Variants in RFX3 observed in about 807,000 individuals in gnomAD.
The protein encoded by RFX3 is transcription factor RFX3.
In RFX3, 14 loss-of-function variants were observed where a neutral mutation model predicts 98.6. The observed-to-expected ratio is 0.14, with a 90% CI of 0.09 to 0.22. The LOEUF (loss-of-function observed/expected upper bound fraction) is 0.22. RFX3 is among the 10% of genes least tolerant of loss of function. The pLI is 1.00. For synonymous variants in RFX3, 383 were observed against 328.4 expected (o/e 1.17, Z -1.80); for missense variants, 639 against 926.9 (o/e 0.69, Z 4.03).
At chr9:3,508,783 C>T (rs567918136) in intron 1 of RFX3, among the ~76,000 whole-genome samples, 1 of 151,918 alleles carries the variant, frequency 6.6e-6, no homozygotes, top group African/African-American at 2.4e-5. Flanking sequence ...ACAAATGAGG[C>T]TGCAGAGAGC....
At chr9:3,375,803 A>G (rs181987017) in intron 2 of RFX3, among the ~76,000 whole-genome samples, 2 of 152,196 alleles carry the variant, frequency 1.3e-5, no homozygotes, top group African/African-American at 4.8e-5. Context: ...TACTAAAAAT[A>G]TAAAAAATTA....
chr9:3,510,450 T>A (rs1413418859), intron 1 of RFX3, among the ~76,000 whole-genome samples: 1 of 152,034 alleles, frequency 6.6e-6, no homozygotes, highest in East Asian at 1.9e-4. Flanking sequence ...TGGATCAATA[T>A]TATTATTCCC....
intron 1 of RFX3, among the ~76,000 whole-genome samples, chr9:3,448,777 C>G (rs577678241): frequency 3.3e-5 from 5 of 152,178 alleles, no homozygotes; most frequent in Non-Finnish European, 7.4e-5. Context: ...ACCTTGACCT[C>G]CCAAAGCACT....
chr9:3,315,774 G>A (rs1424450254), intron 4 of RFX3, among the ~76,000 whole-genome samples: 3 of 152,112 alleles, frequency 2.0e-5, no homozygotes, highest in African/African-American at 7.2e-5. Context: ...AGAAAATCTA[G>A]AAGAAATGGA....
chr9:3,254,460 A>T (rs1049351658), intron 14 of RFX3, among the ~76,000 whole-genome samples: 2 of 152,150 alleles, frequency 1.3e-5, no homozygotes, highest in Non-Finnish European at 2.9e-5. Flanking sequence ...CATGGAGCAC[A>T]TATACCACTT....
intron 1 of RFX3, chr9:3,490,228 G>A (rs1407320554): frequency 1.7e-6 from 1 of 596,664 alleles, no homozygotes; most frequent in East Asian, 1.5e-4. Flanking sequence ...AAAATACTCT[G>A]TATTATGTAC....
intron 4 of RFX3, among the ~76,000 whole-genome samples, chr9:3,328,550 T>C (rs1432994088): frequency 6.6e-6 from 1 of 151,920 alleles, no homozygotes; most frequent in Non-Finnish European, 1.5e-5. Flanking sequence ...AGACAACAAA[T>C]ACACATAAGA....
chr9:3,225,651 G>C (rs1817679160), intron 16 of RFX3, among the ~76,000 whole-genome samples: 1 of 152,078 alleles, frequency 6.6e-6, no homozygotes, highest in African/African-American at 2.4e-5. Flanking sequence ...GGAATGTACT[G>C]AGCTGAAAAC....
At chr9:3,242,834 C>T (rs515065) in intron 15 of RFX3, among the ~76,000 whole-genome samples, 77,018 of 151,664 alleles carry the variant, frequency 0.51, 21,626 homozygotes, top group East Asian at 0.8. Context: ...TATTGATATT[C>T]GCAATTGAAC....
At chr9:3,235,197 T>C (rs1419453267) in intron 15 of RFX3, among the ~76,000 whole-genome samples, 1 of 152,218 alleles carries the variant, frequency 6.6e-6, no homozygotes, top group African/African-American at 2.4e-5. Context: ...ACGGGACATT[T>C]GCTCCAATTT....
At chr9:3,338,708 G>C (rs1833501575) in intron 3 of RFX3, among the ~76,000 whole-genome samples, 1 of 152,088 alleles carries the variant, frequency 6.6e-6, no homozygotes, top group African/African-American at 2.4e-5. Context: ...TGCTAGCCTG[G>C]GGAATACACT....
rs1013446191 is a variant in RFX3 at position 3,430,794 on chromosome 9, G to GA, written c.-8-35199dup. ...ATTTTTTAGAGATGTGTAACAATTT[G>GA]AAAAAAAAAATCACATAAAGAATGA... On this transcript the variant is annotated intron_variant, in intron 1 of 16. Transcript: ENST00000617270. Among the ~76,000 whole-genome samples, 105 of 146,274 alleles carry GA rather than the reference G, an allele frequency of 7.2e-4. 1 individual carries two copies. In the South Asian group the frequency reaches 8.8e-3, roughly 12 times the overall value.
intron 4 of RFX3, among the ~76,000 whole-genome samples, chr9:3,328,978 T>C (rs1415694842): frequency 1.3e-5 from 2 of 152,220 alleles, no homozygotes; most frequent in Admixed American, 6.5e-5. Flanking sequence ...GCTTTAGCTA[T>C]GTGGTTCTAA....
Position 3,247,646 on chromosome 9 carries a change from A to G in RFX3, c.1968+386T>C, listed in dbSNP as rs556347530. ...ATTTACTTTGTTCTTGGAGACCGGG[A>G]AAGAGTCTACAAAATACATATTTAA... On this transcript the variant is annotated intron_variant, in intron 15 of 16. Transcript: ENST00000617270. The G allele has an allele frequency of 6.5e-6, 9 of 1,389,616 alleles. No homozygotes were observed. In the African/African-American group the frequency reaches 1.2e-4, roughly 18 times the overall value. 86.1% of individuals were successfully genotyped at this position (1,389,616 alleles called of 1,614,324 possible).
chr9:3,511,611 T>G (rs528803259), intron 1 of RFX3, among the ~76,000 whole-genome samples: 1 of 152,146 alleles, frequency 6.6e-6, no homozygotes, highest in East Asian at 1.9e-4. Context: ...AGAAGATAGT[T>G]GGTTCTCTTC....
intron 4 of RFX3, among the ~76,000 whole-genome samples, chr9:3,328,280 T>A (rs1413929130): frequency 6.6e-6 from 1 of 152,216 alleles, no homozygotes; most frequent in Non-Finnish European, 1.5e-5. Context: ...CACCATTTTC[T>A]ATCTCTTTTC....
chr9:3,503,074 G>T (rs1455572759), intron 1 of RFX3, among the ~76,000 whole-genome samples: 2 of 152,074 alleles, frequency 1.3e-5, no homozygotes, highest in Non-Finnish European at 2.9e-5. Flanking sequence ...ACACAACGGT[G>T]GTACAAACAA....
chr9:3,275,654 G>T, intron 8 of RFX3, 42 bp from the exon 9 acceptor site: 2 of 1,238,302 alleles, frequency 1.6e-6, no homozygotes, highest in South Asian at 1.3e-5. Context: ...TATTGTGGAT[G>T]GTGCCAATTA....
chr9:3,323,254 G>T (rs1313961691), intron 4 of RFX3, among the ~76,000 whole-genome samples: 1 of 152,156 alleles, frequency 6.6e-6, no homozygotes, highest in African/African-American at 2.4e-5. Context: ...ATTGGTCATA[G>T]GCACTGTGTC....
Sources: allele counts gnomAD v4.1 joint callset (sites outside exome capture counted in the v4.1 genomes callset), GRCh38; gene constraint gnomAD v4.1.1; transcripts MANE v1.5; gene names NCBI Gene and HGNC (gene_info 2026-07-23, HGNC 2026-07-21).